The following TP63 variants were observed in gnomAD, a reference collection of about 807,000 sequenced individuals.
TP63 encodes the protein tumor protein p63, also known as tumor protein 63.
A neutral mutation model predicts 82.8 loss-of-function variants in TP63; 17 were observed. That is an observed-to-expected ratio of 0.21 (90% confidence interval 0.14 to 0.31). TP63 has a LOEUF of 0.31. Among genes scored for constraint, TP63 ranks in the 10% least tolerant of loss-of-function variants. The pLI is 1.00. For missense variants in TP63, 648 were observed against 895.3 expected (o/e 0.72, Z 3.52); for synonymous variants, 330 against 321.7 (o/e 1.03, Z -0.28).
chr3:189,864,163 A>G, intron 4 of TP63, 69 bp from the exon 5 acceptor site: 1 of 1,598,190 alleles, frequency 6.3e-7, no homozygotes, highest in South Asian at 1.1e-5. Flanking sequence ...CATTGTTCTG[A>G]TTTGGAATGT....
intron 3 of TP63, among the ~76,000 whole-genome samples, chr3:189,754,961 C>A (rs549721240): frequency 6.6e-6 from 1 of 151,802 alleles, no homozygotes; most frequent in Non-Finnish European, 1.5e-5. Context: ...AAGGCTGCTG[C>A]TTTTTTTTAG....
At chr3:189,833,722 A>G (rs966797051) in intron 4 of TP63, among the ~76,000 whole-genome samples, 2 of 150,674 alleles carry the variant, frequency 1.3e-5, no homozygotes, top group Admixed American at 1.3e-4. Flanking sequence ...TAGTAGATAT[A>G]TTTGCATAAA....
At chr3:189,689,111 T>TTTC (rs1560111778) in intron 1 of TP63, among the ~76,000 whole-genome samples, 1 of 80,016 alleles carries the variant, frequency 1.2e-5, no homozygotes. Flanking sequence ...TTTCTTTTTT[T>TTTC]TTTTTTTTTT....
At chr3:189,803,506 A>G (rs1315591988) in intron 3 of TP63, among the ~76,000 whole-genome samples, 1 of 152,234 alleles carries the variant, frequency 6.6e-6, no homozygotes, top group Non-Finnish European at 1.5e-5. Flanking sequence ...TTATAGCAAT[A>G]TATATTGACA....
At chr3:189,810,491 G>A (rs942315461) in intron 4 of TP63, among the ~76,000 whole-genome samples, 1 of 152,022 alleles carries the variant, frequency 6.6e-6, no homozygotes, top group African/African-American at 2.4e-5. Flanking sequence ...AAAACCATGG[G>A]GATGAATCTT....
chr3:189,774,569 A>C (rs1723635225), intron 3 of TP63, among the ~76,000 whole-genome samples: 1 of 152,178 alleles, frequency 6.6e-6, no homozygotes, highest in Admixed American at 6.5e-5. Context: ...GGTCATCTCA[A>C]TATAGTATTG....
At chr3:189,764,116 G>A (rs62279916) in intron 3 of TP63, among the ~76,000 whole-genome samples, 29,541 of 152,036 alleles carry the variant, frequency 0.19, 3,031 homozygotes, top group South Asian at 0.26. Flanking sequence ...CAAAAGAGGT[G>A]GGTGTCTTGG....
intron 10 of TP63, among the ~76,000 whole-genome samples, chr3:189,882,189 C>T (rs531301468): frequency 6.6e-6 from 1 of 152,074 alleles, no homozygotes; most frequent in South Asian, 2.1e-4. Flanking sequence ...GAGTATGTTT[C>T]GTTTTTTGAT....
chr3:189,621,509 T>C, the TP63 span, among the ~76,000 whole-genome samples: 1 of 151,824 alleles, frequency 6.6e-6, no homozygotes, highest in East Asian at 1.9e-4. Context: ...TACACTATAG[T>C]ATATTTTATA....
chr3:189,709,492 T>C (rs1442946082), intron 1 of TP63, among the ~76,000 whole-genome samples: 3 of 152,170 alleles, frequency 2.0e-5, no homozygotes, highest in Non-Finnish European at 4.4e-5. Context: ...TTTGTCTTCA[T>C]TTTTATTTTA....
chr3:189,815,425 T>C (rs1469649876), intron 4 of TP63, among the ~76,000 whole-genome samples: 2 of 152,176 alleles, frequency 1.3e-5, no homozygotes, highest in Admixed American at 6.6e-5. Context: ...AGAGCTTATA[T>C]ACTGTATCTA....
the TP63 span, among the ~76,000 whole-genome samples, chr3:189,625,553 G>C: frequency 2.6e-5 from 4 of 152,096 alleles, no homozygotes; most frequent in Non-Finnish European, 5.9e-5. Flanking sequence ...AAGCAGCGTA[G>C]AATAGATGAT....
chr3:189,638,056 G>T (rs1711512545), intron 1 of TP63, among the ~76,000 whole-genome samples: 1 of 152,108 alleles, frequency 6.6e-6, no homozygotes, highest in African/African-American at 2.4e-5. Context: ...ATGAGGTCCT[G>T]CCAACACCTT....
chr3:189,851,541 C>T (rs1169970345), intron 4 of TP63, among the ~76,000 whole-genome samples: 1 of 152,116 alleles, frequency 6.6e-6, no homozygotes, highest in Non-Finnish European at 1.5e-5. Flanking sequence ...CGCCACTGCA[C>T]TCCAGCCTGG....
chr3:189,647,092 G>C (rs1447330087), intron 1 of TP63, among the ~76,000 whole-genome samples: 1 of 146,756 alleles, frequency 6.8e-6, no homozygotes, highest in African/African-American at 2.6e-5. Context: ...AATAGCATTT[G>C]TTTAGCACTT....
chr3:189,735,754 G>A (rs1720542603), intron 1 of TP63, among the ~76,000 whole-genome samples: 1 of 152,128 alleles, frequency 6.6e-6, no homozygotes, highest in South Asian at 2.1e-4. Flanking sequence ...ATAAAGCATA[G>A]TCTGACTGTG....
chr3:189,754,555 A>G (rs1722048399), intron 3 of TP63, among the ~76,000 whole-genome samples: 1 of 152,138 alleles, frequency 6.6e-6, no homozygotes, highest in Admixed American at 6.6e-5. Context: ...TAGGTGAGTC[A>G]CTTAAACACT....
intron 3 of TP63, among the ~76,000 whole-genome samples, chr3:189,767,184 TTTA>T (rs1723017513): frequency 1.3e-5 from 2 of 152,196 alleles, no homozygotes; most frequent in Admixed American, 6.5e-5. Flanking sequence ...AAAATTTATC[TTTA>T]TTATTTATTA....
intron 1 of TP63, among the ~76,000 whole-genome samples, chr3:189,657,204 A>G (rs1230517735): frequency 6.6e-6 from 1 of 152,080 alleles, no homozygotes; most frequent in Non-Finnish European, 1.5e-5. Context: ...ATTTAATAGA[A>G]GGTACATAGG....
Sources: allele counts gnomAD v4.1 joint callset (sites outside exome capture counted in the v4.1 genomes callset), GRCh38; gene constraint gnomAD v4.1.1; transcripts MANE v1.5; gene names NCBI Gene and HGNC (gene_info 2026-07-23, HGNC 2026-07-21).